The following KLC1 variants were observed in gnomAD, a reference collection of about 807,000 sequenced individuals.
KLC1 encodes kinesin 2 60/70kDa.
In KLC1, 30 loss-of-function variants were observed where a neutral mutation model predicts 84.2. That is an observed-to-expected ratio of 0.36 (90% CI 0.27 to 0.48). KLC1 has a LOEUF of 0.48. Ranked by LOEUF, KLC1 falls within the 20% of genes least tolerant of loss-of-function variation. The pLI is 0.99. For synonymous variants in KLC1, 289 were observed against 293.3 expected (o/e 0.99, Z 0.15); for missense variants, 499 against 805.4 (o/e 0.62, Z 4.60).
At chr14:103,659,962 T>C (rs564480662) in intron 3 of KLC1, among the ~76,000 whole-genome samples, 4 of 152,124 alleles carry the variant, frequency 2.6e-5, no homozygotes, top group South Asian at 2.1e-4. Context: ...GTGTCTCTTT[T>C]TATGAGGGCA....
chr14:103,631,266 G>C (rs2076663610), intron 1 of KLC1, among the ~76,000 whole-genome samples: 1 of 152,118 alleles, frequency 6.6e-6, no homozygotes, highest in Admixed American at 6.6e-5. Context: ...ATTTTTAGTA[G>C]AGATGGGGTT....
At chr14:103,658,299 C>T (rs2078974299) in intron 3 of KLC1, among the ~76,000 whole-genome samples, 1 of 152,186 alleles carries the variant, frequency 6.6e-6, no homozygotes, top group African/African-American at 2.4e-5. Flanking sequence ...CTCGCTCTGT[C>T]ACTCAGGCTG....
At chr14:103,652,801 GTT>G (rs2078561472) in intron 1 of KLC1, among the ~76,000 whole-genome samples, 1 of 152,160 alleles carries the variant, frequency 6.6e-6, no homozygotes, top group African/African-American at 2.4e-5. Context: ...GGCGTTTGTT[GTT>G]TTGTTGTTTT....
intron 14 of KLC1, among the ~76,000 whole-genome samples, chr14:103,691,458 C>CTTTTTTT (rs71126053): frequency 1.5e-5 from 1 of 68,780 alleles, no homozygotes; most frequent in Non-Finnish European, 2.5e-5. Context: ...CCACGCCTGG[C>CTTTTTTT]TTTTTTTTTT....
At chr14:103,636,620 A>G (rs2077061310) in intron 1 of KLC1, among the ~76,000 whole-genome samples, 2 of 152,086 alleles carry the variant, frequency 1.3e-5, no homozygotes, top group East Asian at 1.9e-4. Flanking sequence ...GAGCGCTTAC[A>G]TGCTTGTCGG....
intron 13 of KLC1, chr14:103,685,679 G>T (rs1181351324): frequency 1.6e-6 from 2 of 1,289,498 alleles, no homozygotes; most frequent in Non-Finnish European, 2.0e-6. Context: ...CTGCATGACG[G>T]GTGGCGCCTC....
At chr14:103,696,182 G>C in intron 15 of KLC1, 1 of 983,866 alleles carries the variant, frequency 1.0e-6, no homozygotes, top group African/African-American at 1.8e-5. Context: ...TCTGTGGGCG[G>C]ACAGCATATC....
At chr14:103,652,815 T>A (rs973500066) in intron 1 of KLC1, among the ~76,000 whole-genome samples, 3 of 152,250 alleles carry the variant, frequency 2.0e-5, no homozygotes, top group Non-Finnish European at 4.4e-5. Context: ...TGTTGTTTTC[T>A]GGCCTCTTTG....
At chr14:103,637,731 G>C (rs2077158391) in intron 1 of KLC1, among the ~76,000 whole-genome samples, 2 of 152,072 alleles carry the variant, frequency 1.3e-5, no homozygotes, top group African/African-American at 4.8e-5. Flanking sequence ...TTTTGAGACA[G>C]GATCTTGCTC....
Position 103,632,254 on chromosome 14 carries a change from CG to C in KLC1, c.-2+2761del, listed in dbSNP as rs915185279. The stretch of plus-strand genomic sequence containing the variant: ...CAGCCTGGCCAACATGGTGAAACCC[CG>C]TCCCTACCAAAAATACAAAAATTAG... On this transcript the variant is annotated intron_variant, in intron 1 of 16. Transcript: ENST00000334553. Among the ~76,000 whole-genome samples the C allele has an allele frequency of 1.6e-4, 24 of 149,910 alleles. 1 individual carries two copies. Among genetic ancestry groups the C allele is most frequent in the Admixed American group, 1.6e-3 (24 of 15,060 alleles).
chr14:103,673,538 C>T (rs2080596417), intron 9 of KLC1, 107 bp downstream of exon 9: 1 of 669,168 alleles, frequency 1.5e-6, no homozygotes, highest in Non-Finnish European at 2.5e-6. Flanking sequence ...TAACTTTGTA[C>T]ATCACTAAGC....
chr14:103,700,626 A>C, intron 15 of KLC1, 29 bp from the exon 16 acceptor site: 1 of 1,588,802 alleles, frequency 6.3e-7, no homozygotes, highest in Middle Eastern at 1.8e-4. Context: ...GCACGCCCTG[A>C]GTGAAACTCG....
chr14:103,657,298 A>G (rs1017691743), intron 2 of KLC1, among the ~76,000 whole-genome samples: 1 of 152,138 alleles, frequency 6.6e-6, no homozygotes, highest in Non-Finnish European at 1.5e-5. Flanking sequence ...TTCATTTGGC[A>G]TGCTCTTCAA....
chr14:103,657,393 A>G (rs538128260), intron 2 of KLC1, among the ~76,000 whole-genome samples, 153 bp from the exon 3 acceptor site: 2 of 152,252 alleles, frequency 1.3e-5, no homozygotes, highest in East Asian at 3.9e-4. Flanking sequence ...TGAAGGGGAA[A>G]AGAGAAGTAA....
At chr14:103,699,131 A>AC in intron 15 of KLC1, 4 of 1,572,714 alleles carry the variant, frequency 2.5e-6, no homozygotes, top group Non-Finnish European at 3.4e-6. Flanking sequence ...GGCTGCACTC[A>AC]CCCCAGCGGC....
intron 1 of KLC1, among the ~76,000 whole-genome samples, chr14:103,630,363 T>C (rs2076580819): frequency 6.6e-6 from 1 of 152,246 alleles, no homozygotes; most frequent in Admixed American, 6.5e-5. Flanking sequence ...GTTACTGTTT[T>C]ATTATTTAAA....
chr14:103,651,927 C>T (rs1368381827), intron 1 of KLC1, among the ~76,000 whole-genome samples: 1 of 152,388 alleles, frequency 6.6e-6, no homozygotes, highest in African/African-American at 2.4e-5. Context: ...CACACAGCCA[C>T]TGTCCCTGAG....
chr14:103,662,370 T>C (rs2079367912), intron 4 of KLC1, among the ~76,000 whole-genome samples, 176 bp downstream of exon 4: 1 of 152,126 alleles, frequency 6.6e-6, no homozygotes, highest in African/African-American at 2.4e-5. Flanking sequence ...TACGGGAATA[T>C]GCTAGAGCAG....
In KLC1 at chr14:103,647,326, C is replaced by T. The variant is rs555714937; in HGVS notation, c.-1-7238C>T. Reference sequence around the variant, plus strand: ...GCAACCTCCACTTTCCAGGTTCAAGCGATTCTCCTGCCTCAGCCTCCTGAG... The same window carrying T: ...GCAACCTCCACTTTCCAGGTTCAAGTGATTCTCCTGCCTCAGCCTCCTGAG... On this transcript the variant is annotated intron_variant, in intron 1 of 16. Coordinates refer to ENST00000334553, the MANE Select transcript of KLC1 (RefSeq NM_001394837.1). 7.9e-5 allele frequency among the ~76,000 whole-genome samples: 12 copies of T among 151,988 alleles called. No individual in the cohort carries two copies. In the South Asian group the frequency reaches 8.3e-4, roughly 11 times the overall value.
Sources: allele counts gnomAD v4.1 joint callset (sites outside exome capture counted in the v4.1 genomes callset), GRCh38; gene constraint gnomAD v4.1.1; transcripts MANE v1.5; gene names NCBI Gene and HGNC (gene_info 2026-07-23, HGNC 2026-07-21).